Variants in SORCS1 observed in about 807,000 individuals in gnomAD.
SORCS1 encodes VPS10 domain-containing receptor SorCS1.
A neutral mutation model predicts 146.1 loss-of-function variants in SORCS1; 60 were observed. The ratio of observed to expected loss-of-function variants is 0.41; its 90% CI spans 0.33 to 0.51. SORCS1 has a LOEUF of 0.51. SORCS1 is among the 20% of genes least tolerant of loss of function. The pLI is 0.21. For synonymous variants in SORCS1, 637 were observed against 584.0 expected, an observed-to-expected ratio of 1.09 and a Z score of -1.31; for missense variants, 1,352 against 1,487.6, an observed-to-expected ratio of 0.91 and a Z score of 1.50.
At chr10:106,924,745 T>C (rs1265198606) in intron 2 of SORCS1, among the ~76,000 whole-genome samples, 2 of 143,796 alleles carry the variant, frequency 1.4e-5, no homozygotes, top group Admixed American at 7.5e-5. Flanking sequence ...TTTTTCAATT[T>C]TTACATTTAA....
At chr10:106,962,859 C>T (rs568319995) in intron 1 of SORCS1, among the ~76,000 whole-genome samples, 1 of 152,278 alleles carries the variant, frequency 6.6e-6, no homozygotes, top group Non-Finnish European at 1.5e-5. Context: ...GGTGCTGATG[C>T]TGGCCACCTT....
At chr10:106,680,986 G>A (rs1381502080) in intron 10 of SORCS1, among the ~76,000 whole-genome samples, 4 of 152,158 alleles carry the variant, frequency 2.6e-5, no homozygotes, top group South Asian at 2.1e-4. Flanking sequence ...TGCCAACAAA[G>A]TAAAACTCTC....
At chr10:106,968,327 T>A (rs1955608389) in intron 1 of SORCS1, among the ~76,000 whole-genome samples, 1 of 152,274 alleles carries the variant, frequency 6.6e-6, no homozygotes, top group South Asian at 2.1e-4. Flanking sequence ...CCTGATGTGA[T>A]GATCTGAGAA....
At chr10:106,766,608 T>A (rs1859591366) in intron 4 of SORCS1, among the ~76,000 whole-genome samples, 2 of 152,160 alleles carry the variant, frequency 1.3e-5, no homozygotes, top group Admixed American at 1.3e-4. Context: ...AAGGATTCCA[T>A]AAACTTCACT....
chr10:106,849,415 G>A (rs1949450018), intron 2 of SORCS1, among the ~76,000 whole-genome samples: 2 of 146,838 alleles, frequency 1.4e-5, no homozygotes, highest in African/African-American at 2.5e-5. Flanking sequence ...GGTAGTTCTT[G>A]AGCCTTGGTT....
At chr10:107,047,558 TG>T (rs1959629054) in intron 1 of SORCS1, among the ~76,000 whole-genome samples, 1 of 152,196 alleles carries the variant, frequency 6.6e-6, no homozygotes, top group Non-Finnish European at 1.5e-5. Flanking sequence ...TACATATTTT[TG>T]TTAAAGTTGC....
Position 106,963,919 on chromosome 10 carries a change from T to C in SORCS1, c.559-7339A>G, listed in dbSNP as rs187757069. ...CCCATACACAGGTACTCACGAAATA[T>C]GAGGAAAAAAGATGTGAAGCAGGAG... On this transcript the variant is annotated intron_variant, in intron 1 of 25. Coordinates refer to ENST00000263054, the MANE Select transcript of SORCS1 (RefSeq NM_052918.5). Among the ~76,000 whole-genome samples the C allele has an allele frequency of 3.3e-5, 5 of 152,250 alleles. No individual in the cohort carries two copies. The East Asian group carries it at 9.6e-4, about 29-fold the overall frequency.
chr10:106,817,788 T>G (rs1947815182), intron 3 of SORCS1, among the ~76,000 whole-genome samples: 1 of 152,230 alleles, frequency 6.6e-6, no homozygotes, highest in South Asian at 2.1e-4. Context: ...TTATGCATGT[T>G]TGTATCTCTA....
At position 107,049,808 on chromosome 10, in the gene SORCS1, G is replaced by A. The variant is rs181166923; in HGVS notation, c.559-93228C>T. Among the ~76,000 whole-genome samples the A allele has an allele frequency of 7.9e-5, 12 of 152,266 alleles. No homozygotes were observed. In the East Asian group the frequency reaches 2.1e-3, roughly 27 times the overall value. Reference sequence around the variant, plus strand: ...GTTAATTATGCAGTAAAAATTACAAGAGGCTAAAGATGAATTTGGATTTTT... The same window carrying A: ...GTTAATTATGCAGTAAAAATTACAAAAGGCTAAAGATGAATTTGGATTTTT... On this transcript the variant is annotated intron_variant, in intron 1 of 25. Transcript: ENST00000263054.
chr10:106,625,200 CTG>C (rs3044907), intron 19 of SORCS1, among the ~76,000 whole-genome samples: 21,483 of 139,782 alleles, frequency 0.15, 1,584 homozygotes, highest in Middle Eastern at 0.23. Context: ...TTGTGTGATT[CTG>C]TGTGTGTGTG....
At chr10:106,715,752 G>A (rs1325632387) in intron 6 of SORCS1, among the ~76,000 whole-genome samples, 2 of 152,034 alleles carry the variant, frequency 1.3e-5, no homozygotes, top group African/African-American at 4.8e-5. Flanking sequence ...ACCTGAGGCA[G>A]CTTCTTTCTT....
In SORCS1 at chr10:106,989,680, G is replaced by GTTTTTTTTT. The variant is rs761689988; in HGVS notation, c.559-33109_559-33101dup. Among the ~76,000 whole-genome samples the GTTTTTTTTT allele has an allele frequency of 2.9e-3, 207 of 70,336 alleles. 1 individual carries two copies. The highest frequency in any genetic ancestry group is 1.0e-2 in the African/African-American group (186 of 18,684). The allele number at this position is 70,336 out of a possible 152,430, so 46.1% of individuals were successfully genotyped here. On this transcript the variant is annotated intron_variant, in intron 1 of 25. Coordinates refer to ENST00000263054, the MANE Select transcript of SORCS1 (RefSeq NM_052918.5). ...ACTCATATTTTTTCTGTTTTTTTTT[G>GTTTTTTTTT]TTTTTTTTTTTTTTTTTTTTTTCTG...
At chr10:106,790,971 A>G (rs112976307) in intron 3 of SORCS1, among the ~76,000 whole-genome samples, 1,661 of 152,350 alleles carry the variant, frequency 0.011, 28 homozygotes, top group African/African-American at 0.037. Context: ...TAAAAGAACA[A>G]TCACTTAAGC....
intron 3 of SORCS1, among the ~76,000 whole-genome samples, chr10:106,822,998 G>T (rs982095039): frequency 6.6e-6 from 1 of 151,920 alleles, no homozygotes; most frequent in Non-Finnish European, 1.5e-5. Flanking sequence ...GGCCAGGCTG[G>T]TCTCAAACTC....
chr10:106,637,866 C>T (rs1848819068), intron 18 of SORCS1, among the ~76,000 whole-genome samples: 1 of 152,194 alleles, frequency 6.6e-6, no homozygotes, highest in African/African-American at 2.4e-5. Context: ...TGGTTTGGTC[C>T]TTCCTTTAGA....
Position 106,679,668 on chromosome 10 carries a change from TGGC to T in SORCS1, c.1624_1626del (p.Ala542del). On this transcript the variant is annotated inframe_deletion, in exon 11 of 26. Coordinates refer to ENST00000263054, the MANE Select transcript of SORCS1 (RefSeq NM_052918.5). ...ATGATGCTTGGAGCTGTGTCTTTGC[TGGC>T]AATGATCCCTGATGTGTAGGGATTC... is the stretch of plus-strand genomic sequence containing the variant. The T allele has an allele frequency of 6.2e-7, 1 of 1,612,830 alleles. No individual in the cohort carries two copies. Among genetic ancestry groups the T allele is most frequent in the Non-Finnish European group, 8.5e-7 (1 of 1,179,376 alleles).
chr10:106,956,709 T>C, intron 1 of SORCS1, 129 bp from the exon 2 acceptor site: 1 of 785,884 alleles, frequency 1.3e-6, no homozygotes, highest in African/African-American at 1.7e-5. Flanking sequence ...TGTTACAGCA[T>C]TTGCCACACT....
chr10:107,164,221 A>G lies in SORCS1; in HGVS notation c.306T>C (p.Ala102=), dbSNP rs1349646291. The G allele has an allele frequency of 6.2e-7, 1 of 1,607,746 alleles. No individual in the cohort carries two copies. Among genetic ancestry groups the G allele is most frequent in the African/African-American group, 1.3e-5 (1 of 74,872 alleles). ...TCCGTCTCCTCCGGCCGGAGCGTGC[A>G]GCAACCGCCATGGATGCCCCAGTGC... The part of the protein sequence containing the change: ...ARGTGASMAV[A]ARSGRRRRSG... Residue 102 remains alanine, a synonymous_variant, in exon 1 of 26, where the codon GCT becomes GCC. Transcript: ENST00000263054. The surrounding 1 kb of genome is among the most constrained non-coding windows in gnomAD (Gnocchi z 6.8).
At chr10:107,108,364 T>A (rs568376472) in intron 1 of SORCS1, among the ~76,000 whole-genome samples, 1 of 152,264 alleles carries the variant, frequency 6.6e-6, no homozygotes, top group East Asian at 1.9e-4. Context: ...TGGCTTCTGG[T>A]GAAGCCTCAA....
Sources: allele counts gnomAD v4.1 joint callset (sites outside exome capture counted in the v4.1 genomes callset), GRCh38; gene constraint gnomAD v4.1.1; non-coding constraint Gnocchi (gnomAD v3.1); transcripts MANE v1.5; gene names NCBI Gene and HGNC (gene_info 2026-07-23, HGNC 2026-07-21).